Variants in PCSK5 observed in about 807,000 individuals in gnomAD.
PCSK5 encodes the protein proprotein convertase subtilisin/kexin type 5.
Under a neutral mutation model 233.2 loss-of-function variants are expected in PCSK5, and 129 were observed. The ratio of observed to expected loss-of-function variants is 0.55; its 90% CI spans 0.48 to 0.64. The LOEUF (loss-of-function observed/expected upper bound fraction) is 0.64, where lower values mean the gene tolerates loss of function less well. PCSK5 is among the 30% of genes least tolerant of loss of function. The pLI, the probability that PCSK5 is intolerant of heterozygous loss-of-function variation, is 0.00. For missense variants in PCSK5, 2,076 were observed against 2,430.1 expected, an observed-to-expected ratio of 0.85 and a Z score of 3.06; for synonymous variants, 825 against 879.2, an observed-to-expected ratio of 0.94 and a Z score of 1.09.
intron 9 of PCSK5, among the ~76,000 whole-genome samples, chr9:76,110,069 A>G (rs1045877939): frequency 6.6e-6 from 1 of 152,150 alleles, no homozygotes; most frequent in Non-Finnish European, 1.5e-5. Context: ...TTGCTTCTCA[A>G]CAGCCCTTGA....
At chr9:76,296,184 C>T (rs1329470835) in intron 26 of PCSK5, among the ~76,000 whole-genome samples, 9 of 152,298 alleles carry the variant, frequency 5.9e-5, no homozygotes, top group Non-Finnish European at 1.0e-4. Context: ...AGGCTGGCCT[C>T]GAACACCTGA....
intron 2 of PCSK5, among the ~76,000 whole-genome samples, chr9:75,949,675 G>T (rs373160449): frequency 5.3e-5 from 8 of 151,864 alleles, no homozygotes; most frequent in Non-Finnish European, 2.9e-5. Context: ...CTATAGGCGC[G>T]CACCACCACC....
At chr9:75,980,027 A>G (rs531544505) in intron 2 of PCSK5, among the ~76,000 whole-genome samples, 1 of 152,226 alleles carries the variant, frequency 6.6e-6, no homozygotes, top group Non-Finnish European at 1.5e-5. Context: ...TACTGCTTTG[A>G]TTGGATATAA....
intron 9 of PCSK5, among the ~76,000 whole-genome samples, chr9:76,122,490 A>G (rs913815067): frequency 5.9e-5 from 9 of 152,176 alleles, no homozygotes; most frequent in South Asian, 2.1e-4. Flanking sequence ...CTTTGTCGCT[A>G]TTGAGATTTA....
At chr9:76,329,019 A>T (rs1207701374) in intron 33 of PCSK5, among the ~76,000 whole-genome samples, 1 of 128,018 alleles carries the variant, frequency 7.8e-6, no homozygotes, top group Non-Finnish European at 1.6e-5. Context: ...GGGTTTCACC[A>T]TGTTGGCCAG....
At chr9:76,323,360 T>G (rs1327499884) in intron 32 of PCSK5, 72 bp downstream of exon 32, 7 of 848,990 alleles carry the variant, frequency 8.2e-6, no homozygotes, top group Admixed American at 2.5e-5. Context: ...GCGCCAGAGC[T>G]GTCATCTCAA....
chr9:76,191,535 T>C (rs1824376857), intron 20 of PCSK5, among the ~76,000 whole-genome samples: 1 of 152,238 alleles, frequency 6.6e-6, no homozygotes, highest in African/African-American at 2.4e-5. Flanking sequence ...GGGCACATGA[T>C]TGATAGCACT....
chr9:76,240,798 G>A, intron 24 of PCSK5, 114 bp downstream of exon 24: 1 of 723,946 alleles, frequency 1.4e-6, no homozygotes, highest in South Asian at 1.6e-5. Flanking sequence ...CAGCCTCAGT[G>A]ACACCATCAA....
intron 2 of PCSK5, among the ~76,000 whole-genome samples, chr9:75,945,640 G>A (rs1261605385): frequency 6.6e-6 from 1 of 151,600 alleles, no homozygotes; most frequent in East Asian, 1.9e-4. Context: ...CTGAAATAAA[G>A]TCTAATTTTT....
intron 5 of PCSK5, among the ~76,000 whole-genome samples, chr9:76,058,050 T>A (rs887794069): frequency 1.3e-5 from 2 of 152,148 alleles, no homozygotes; most frequent in African/African-American, 4.8e-5. Context: ...GGTCTTGGCA[T>A]GTTGCTTAGG....
At chr9:76,353,885 A>G in intron 36 of PCSK5, 148 bp from the exon 37 acceptor site, 1 of 629,680 alleles carries the variant, frequency 1.6e-6, no homozygotes. Context: ...CACCCAACAC[A>G]GTTAAAATGG....
chr9:76,029,896 A>C (rs1335223257), intron 5 of PCSK5, among the ~76,000 whole-genome samples: 1 of 152,206 alleles, frequency 6.6e-6, no homozygotes, highest in Non-Finnish European at 1.5e-5. Context: ...AAGCCTTGGT[A>C]AAATAACCAG....
intron 3 of PCSK5, among the ~76,000 whole-genome samples, chr9:76,001,467 G>GA (rs746213929): frequency 1.9e-5 from 1 of 53,120 alleles, no homozygotes; most frequent in Admixed American, 2.0e-4. Flanking sequence ...TACCATCATA[G>GA]CTTTTTTTTT....
At chr9:76,102,015 A>G (rs1029242091) in intron 8 of PCSK5, among the ~76,000 whole-genome samples, 1 of 152,226 alleles carries the variant, frequency 6.6e-6, no homozygotes, top group African/African-American at 2.4e-5. Context: ...GAAGTTTGAT[A>G]CATATTCTCT....
chr9:76,033,032 A>G (rs1185622482), intron 5 of PCSK5, among the ~76,000 whole-genome samples: 2 of 152,314 alleles, frequency 1.3e-5, no homozygotes, highest in South Asian at 2.1e-4. Context: ...ACCAGGGTGA[A>G]TGGAAGTGAA....
At chr9:75,949,354 G>A (rs1265990223) in intron 2 of PCSK5, among the ~76,000 whole-genome samples, 1 of 151,530 alleles carries the variant, frequency 6.6e-6, no homozygotes, top group Non-Finnish European at 1.5e-5. Context: ...TAAGGTGTAA[G>A]GACTGACCAA....
At chr9:76,171,240 C>T (rs7865222) in intron 13 of PCSK5, among the ~76,000 whole-genome samples, 14,717 of 152,116 alleles carry the variant, frequency 0.097, 855 homozygotes, top group South Asian at 0.17. Context: ...CTCTTTGCAG[C>T]GCATGCTTAT....
At chr9:75,911,201 GTTTTTTTTTTTTTTTTT>G (rs71370772) in intron 1 of PCSK5, among the ~76,000 whole-genome samples, 10 of 48,768 alleles carry the variant, frequency 2.1e-4, no homozygotes, top group Non-Finnish European at 3.2e-4. Flanking sequence ...GAACATATAG[GTTTTTTTTTTTTTTTTT>G]TTTTTTTTTT....
At chr9:75,944,028 T>G (rs1352567535) in intron 2 of PCSK5, among the ~76,000 whole-genome samples, 1 of 151,884 alleles carries the variant, frequency 6.6e-6, no homozygotes, top group East Asian at 1.9e-4. Flanking sequence ...CTGGGTGTAG[T>G]GGCATGGGCC....
Sources: gnomAD v4.1 joint callset for allele counts (sites outside exome capture counted in the v4.1 genomes callset) on GRCh38, gnomAD v4.1.1 for gene constraint, MANE v1.5 for transcripts, NCBI Gene and HGNC (gene_info 2026-07-23, HGNC 2026-07-21) for gene names.